CSMD1: variants seen among roughly 807,000 people sequenced by gnomAD.
CSMD1 encodes CUB and sushi domain-containing protein 1.
CSMD1 carries 213 observed loss-of-function variants against 417.5 expected under a neutral mutation model. That is an observed-to-expected ratio of 0.51 (90% confidence interval 0.46 to 0.57). The LOEUF is 0.57. Among genes scored for constraint, CSMD1 ranks in the 20% least tolerant of loss-of-function variants. CSMD1 has a pLI of 0.00. For synonymous variants in CSMD1, 2,862 were observed against 1,736.8 expected (o/e 1.65, Z -16.11); for missense variants, 6,923 against 4,529.7 (o/e 1.53, Z -15.17).
chr8:4,618,070 T>A (rs1801574588), intron 2 of CSMD1, among the ~76,000 whole-genome samples: 1 of 152,202 alleles, frequency 6.6e-6, no homozygotes, highest in South Asian at 2.1e-4. Flanking sequence ...CACTACCACA[T>A]CATGCTGAAT....
At position 4,552,695 on chromosome 8, in the gene CSMD1, C is replaced by A. The variant is rs928067305; in HGVS notation, c.302+84647G>T. Among the ~76,000 whole-genome samples, 4 of 152,086 alleles carry A rather than the reference C, an allele frequency of 2.6e-5. No homozygotes were observed. The South Asian group carries it at 6.2e-4, about 24-fold the overall frequency. ...GATCTTAATGAGATGGGTCTATTACCCCATCACAAGATGCTCAGAAGCTTT... is the reference window on the plus strand; with the variant it reads ...GATCTTAATGAGATGGGTCTATTACACCATCACAAGATGCTCAGAAGCTTT... On this transcript the variant is annotated intron_variant, in intron 2 of 69. Transcript: ENST00000635120.
chr8:4,954,871 A>T (rs531744121), intron 1 of CSMD1, among the ~76,000 whole-genome samples: 16 of 152,340 alleles, frequency 1.1e-4, no homozygotes, highest in Non-Finnish European at 2.2e-4. Context: ...CTAACTCATA[A>T]CTTCAGGAAT....
chr8:4,236,026 GTTTTTTTTGTTTGTT>G (rs1307501024), intron 3 of CSMD1, among the ~76,000 whole-genome samples: 2 of 108,128 alleles, frequency 1.8e-5, no homozygotes, highest in African/African-American at 8.4e-5. Flanking sequence ...AATGGATATT[GTTTTTTTTGTTTGTT>G]TTTTTTTTTT....
chr8:3,722,366 G>A (rs1028321008), intron 6 of CSMD1, among the ~76,000 whole-genome samples: 1 of 152,160 alleles, frequency 6.6e-6, no homozygotes, highest in African/African-American at 2.4e-5. Flanking sequence ...AGACGAAGTT[G>A]AGGGTCACTT....
chr8:3,978,561 G>A (rs1039174289), intron 5 of CSMD1, among the ~76,000 whole-genome samples: 4 of 152,082 alleles, frequency 2.6e-5, no homozygotes, highest in African/African-American at 9.7e-5. Flanking sequence ...CAAAAATATA[G>A]ATCCTCATAG....
At chr8:4,751,844 C>T (rs182312833) in intron 1 of CSMD1, among the ~76,000 whole-genome samples, 49 of 152,200 alleles carry the variant, frequency 3.2e-4, no homozygotes, top group African/African-American at 9.2e-4. Context: ...GTTCTCTGTC[C>T]GAAAATAGTG....
At chr8:4,506,521 T>C (rs1325338167) in intron 2 of CSMD1, among the ~76,000 whole-genome samples, 1 of 151,822 alleles carries the variant, frequency 6.6e-6, no homozygotes, top group Non-Finnish European at 1.5e-5. Context: ...GGAGGCGGGG[T>C]TGGGGATGGG....
chr8:4,084,172 A>G (rs923933157), intron 3 of CSMD1, among the ~76,000 whole-genome samples: 1 of 149,756 alleles, frequency 6.7e-6, no homozygotes, highest in Non-Finnish European at 1.5e-5. Flanking sequence ...ATTAAAAGAG[A>G]AAGAATTTTA....
At chr8:4,578,732 T>C (rs1188016161) in intron 2 of CSMD1, among the ~76,000 whole-genome samples, 1 of 148,246 alleles carries the variant, frequency 6.7e-6, no homozygotes, top group Non-Finnish European at 1.5e-5. Flanking sequence ...GATAATTGCT[T>C]GAACCTGGGA....
At chr8:3,910,418 G>A (rs965737805) in intron 5 of CSMD1, among the ~76,000 whole-genome samples, 1 of 152,104 alleles carries the variant, frequency 6.6e-6, no homozygotes, top group East Asian at 1.9e-4. Flanking sequence ...CCGTCAAGAC[G>A]CTTAATCCCT....
At chr8:2,956,426 G>A (rs1803012947) in intron 63 of CSMD1, among the ~76,000 whole-genome samples, 1 of 151,586 alleles carries the variant, frequency 6.6e-6, no homozygotes. Context: ...TATAAAACAA[G>A]TTTACAATTT....
intron 2 of CSMD1, among the ~76,000 whole-genome samples, chr8:4,456,589 G>A (rs1051019997): frequency 6.6e-6 from 1 of 152,098 alleles, no homozygotes. Flanking sequence ...TCACAAACAC[G>A]GCTGTAGGGA....
At chr8:3,323,334 T>C (rs967126863) in intron 23 of CSMD1, among the ~76,000 whole-genome samples, 13 of 152,052 alleles carry the variant, frequency 8.5e-5, no homozygotes, top group African/African-American at 2.9e-4. Context: ...TCCCAAGTCT[T>C]ACCTCTAAAT....
intron 5 of CSMD1, among the ~76,000 whole-genome samples, chr8:3,988,920 TGGA>T (rs1038067675): frequency 1.3e-5 from 2 of 152,212 alleles, no homozygotes; most frequent in African/African-American, 4.8e-5. Flanking sequence ...AAAAGTTGAG[TGGA>T]GAAGTTAACA....
At chr8:4,429,536 T>C (rs1404141375) in intron 2 of CSMD1, among the ~76,000 whole-genome samples, 4 of 152,190 alleles carry the variant, frequency 2.6e-5, no homozygotes, top group Non-Finnish European at 5.9e-5. Flanking sequence ...ATCAGAAAAT[T>C]GCAAAAGCGT....
chr8:4,048,882 C>G (rs539780122), intron 3 of CSMD1, among the ~76,000 whole-genome samples: 76 of 152,330 alleles, frequency 5.0e-4, no homozygotes, highest in African/African-American at 1.7e-3. Context: ...ATTTTTACAG[C>G]TGCTACATAC....
intron 1 of CSMD1, among the ~76,000 whole-genome samples, chr8:4,664,009 C>T (rs1441522299): frequency 6.6e-6 from 1 of 152,098 alleles, no homozygotes; most frequent in Non-Finnish European, 1.5e-5. Flanking sequence ...GCAAGAGATC[C>T]ACAACACAAT....
chr8:3,777,000 C>G (rs1798926865), intron 5 of CSMD1, among the ~76,000 whole-genome samples: 5 of 151,730 alleles, frequency 3.3e-5, no homozygotes, highest in African/African-American at 1.2e-4. Context: ...ATGCATGACC[C>G]CCCACATCTG....
intron 1 of CSMD1, among the ~76,000 whole-genome samples, chr8:4,721,923 G>A (rs897278544): frequency 2.6e-5 from 4 of 152,044 alleles, no homozygotes; most frequent in African/African-American, 7.2e-5. Context: ...AACCAAACAC[G>A]AAAGAAAAAC....
Sources: allele counts gnomAD v4.1 joint callset (sites outside exome capture counted in the v4.1 genomes callset), GRCh38; gene constraint gnomAD v4.1.1; transcripts MANE v1.5; gene names NCBI Gene and HGNC (gene_info 2026-07-23, HGNC 2026-07-21).